NBEA: variants seen among roughly 807,000 people sequenced by gnomAD.
The protein encoded by NBEA is neurobeachin.
NBEA carries 44 observed loss-of-function variants against 343.4 expected under a neutral mutation model. The ratio of observed to expected loss-of-function variants is 0.13; its 90% confidence interval spans 0.10 to 0.16. NBEA has a LOEUF of 0.16. Among genes scored for constraint, NBEA ranks in the 10% least tolerant of loss-of-function variants. NBEA has a pLI of 1.00. For synonymous variants in NBEA, 1,175 were observed against 1,238.7 expected, an observed-to-expected ratio of 0.95 and a Z score of 1.08; for missense variants, 2,555 against 3,631.3, an observed-to-expected ratio of 0.70 and a Z score of 7.62.
chr13:35,205,103 A>G (rs185067756), intron 31 of NBEA, among the ~76,000 whole-genome samples: 1 of 152,278 alleles, frequency 6.6e-6, no homozygotes, highest in Non-Finnish European at 1.5e-5. Context: ...TAAGAAAGAG[A>G]ATGGTTTGAG....
At position 34,950,558 on chromosome 13, in the gene NBEA, T is replaced by G. The variant is rs532762246; in HGVS notation, c.294+7444T>G. Among the ~76,000 whole-genome samples, 21 of 151,198 alleles carry G rather than the reference T, an allele frequency of 1.4e-4. No homozygotes were observed. The East Asian group carries it at 2.1e-3, about 15-fold the overall frequency. On this transcript the variant is annotated intron_variant, in intron 1 of 58. Transcript: ENST00000379939. ...CTAAATTAAAAAATTTAGAATATTC[T>G]AATTTTCTAAATTAAATATTTAGAA...
At chr13:35,228,370 TTC>T (rs2074778575) in intron 33 of NBEA, among the ~76,000 whole-genome samples, 1 of 146,892 alleles carries the variant, frequency 6.8e-6, no homozygotes, top group Non-Finnish European at 1.5e-5. Flanking sequence ...AAATAAGTAA[TTC>T]TCTTTTTTTT....
intron 41 of NBEA, among the ~76,000 whole-genome samples, chr13:35,504,099 A>T (rs925840445): frequency 3.3e-5 from 5 of 152,168 alleles, no homozygotes; most frequent in Admixed American, 2.0e-4. Flanking sequence ...TGGATATTTG[A>T]GATATTTCAC....
At chr13:35,319,095 A>G (rs964774238) in intron 36 of NBEA, among the ~76,000 whole-genome samples, 29 of 151,978 alleles carry the variant, frequency 1.9e-4, no homozygotes, top group African/African-American at 6.8e-4. Context: ...TTGTGTCTCT[A>G]TCTCCTACAG....
intron 38 of NBEA, among the ~76,000 whole-genome samples, chr13:35,364,540 GA>G (rs2040995263): frequency 6.6e-6 from 1 of 151,718 alleles, no homozygotes; most frequent in Non-Finnish European, 1.5e-5. Context: ...AAAAGGATGG[GA>G]CATTGTAGGA....
At chr13:35,322,204 T>C (rs1402945802) in intron 36 of NBEA, among the ~76,000 whole-genome samples, 1 of 152,184 alleles carries the variant, frequency 6.6e-6, no homozygotes, top group Non-Finnish European at 1.5e-5. Context: ...AGTTTTGTGC[T>C]TGAAACCCAG....
chr13:35,416,739 A>T (rs775126855), intron 38 of NBEA, among the ~76,000 whole-genome samples: 25 of 152,096 alleles, frequency 1.6e-4, no homozygotes, highest in East Asian at 3.9e-4. Flanking sequence ...TATCAGGATG[A>T]TGTTGGCCTC....
intron 38 of NBEA, among the ~76,000 whole-genome samples, chr13:35,426,652 T>A (rs2152927309): frequency 6.6e-6 from 1 of 152,278 alleles, no homozygotes; most frequent in South Asian, 2.1e-4. Context: ...AGGAGTATCT[T>A]TGTGGCGGTC....
chr13:34,949,984 A>T (rs551164017), intron 1 of NBEA, among the ~76,000 whole-genome samples: 1 of 151,958 alleles, frequency 6.6e-6, no homozygotes, highest in Non-Finnish European at 1.5e-5. Context: ...GTAGCCAAGG[A>T]CTCTAATGTT....
intron 40 of NBEA, among the ~76,000 whole-genome samples, chr13:35,455,563 T>C (rs2046539036): frequency 6.6e-6 from 1 of 152,178 alleles, no homozygotes; most frequent in African/African-American, 2.4e-5. Context: ...AACTGTTTAA[T>C]AGCAGTTACT....
At chr13:35,427,879 C>T (rs2152928245) in intron 38 of NBEA, among the ~76,000 whole-genome samples, 2 of 152,310 alleles carry the variant, frequency 1.3e-5, no homozygotes, top group Middle Eastern at 6.8e-3. Context: ...AATTTGATCT[C>T]AGACTGCTGT....
intron 40 of NBEA, among the ~76,000 whole-genome samples, chr13:35,471,496 C>A (rs552291752): frequency 2.0e-5 from 3 of 152,310 alleles, no homozygotes; most frequent in Admixed American, 6.5e-5. Context: ...AACGTTATAT[C>A]GTGTTTCGAA....
At chr13:35,103,855 TTAC>T (rs1446354998) in intron 11 of NBEA, among the ~76,000 whole-genome samples, 2 of 151,874 alleles carry the variant, frequency 1.3e-5, no homozygotes, top group South Asian at 4.1e-4. Context: ...TACTTCCTCT[TTAC>T]TTCTCAGCTC....
At chr13:35,088,298 T>C (rs984591080) in intron 10 of NBEA, among the ~76,000 whole-genome samples, 7 of 151,874 alleles carry the variant, frequency 4.6e-5, no homozygotes, top group Admixed American at 4.0e-4. Flanking sequence ...TTAATATAAT[T>C]AGGAAAACTC....
rs531204084 is a variant in NBEA, at chr13:35,639,246, A to G, written c.7618-6623A>G. On this transcript the variant is annotated intron_variant, in intron 49 of 58. Transcript: ENST00000379939. ...ATATAAAATAGCATTTTAATTTTTTATATAGTTTAATATTTATAAAGCAAG... is the reference window on the plus strand; with the variant it reads ...ATATAAAATAGCATTTTAATTTTTTGTATAGTTTAATATTTATAAAGCAAG... 1.5e-3 allele frequency among the ~76,000 whole-genome samples: 232 copies of G among 152,304 alleles called. 2 individuals are homozygous for G. Among genetic ancestry groups the G allele is most frequent in the African/African-American group, 4.0e-3 (167 of 41,582 alleles).
chr13:35,427,557 C>A (rs189833227), intron 38 of NBEA, among the ~76,000 whole-genome samples: 2,465 of 152,316 alleles, frequency 0.016, 41 homozygotes, highest in South Asian at 0.062. Flanking sequence ...GGGGGTGCCT[C>A]CCAGTTAGGC....
chr13:35,038,707 A>G (rs1465246519), intron 1 of NBEA, among the ~76,000 whole-genome samples: 2 of 152,018 alleles, frequency 1.3e-5, no homozygotes, highest in East Asian at 1.9e-4. Context: ...AGGGTGCCCT[A>G]TTCTTCTGTG....
intron 40 of NBEA, among the ~76,000 whole-genome samples, chr13:35,461,959 A>G (rs2046931737): frequency 6.6e-6 from 1 of 152,224 alleles, no homozygotes; most frequent in South Asian, 2.1e-4. Context: ...AATATGTTCT[A>G]TCAGTTCAAG....
intron 38 of NBEA, among the ~76,000 whole-genome samples, chr13:35,396,443 A>G (rs1219106430): frequency 6.6e-6 from 1 of 151,850 alleles, no homozygotes; most frequent in Non-Finnish European, 1.5e-5. Context: ...GTATTTTTGC[A>G]GCATATTTTT....
Sources: allele counts gnomAD v4.1 joint callset (sites outside exome capture counted in the v4.1 genomes callset), GRCh38; gene constraint gnomAD v4.1.1; transcripts MANE v1.5; gene names NCBI Gene and HGNC (gene_info 2026-07-23, HGNC 2026-07-21).